The following AFF3 variants were observed in gnomAD, a reference collection of about 807,000 sequenced individuals.
AFF3 encodes the protein AF4/FMR2 family member 3.
Under a neutral mutation model 129.7 loss-of-function variants are expected in AFF3, and 32 were observed. That is an observed-to-expected ratio of 0.25 (90% CI 0.19 to 0.33). The LOEUF is 0.33. Ranked by LOEUF, AFF3 falls within the 10% of genes least tolerant of loss-of-function variation. The pLI is 1.00. For missense variants in AFF3, 1,373 were observed against 1,592.0 expected, an observed-to-expected ratio of 0.86 and a Z score of 2.34; for synonymous variants, 644 against 635.4, an observed-to-expected ratio of 1.01 and a Z score of -0.20.
chr2:99,782,176 T>G (rs1684465291), intron 8 of AFF3, among the ~76,000 whole-genome samples: 1 of 152,230 alleles, frequency 6.6e-6, no homozygotes. Context: ...AGTTTTCTTT[T>G]GGAGTTGGGG....
chr2:100,133,340 G>A (rs757217675), intron 1 of AFF3, among the ~76,000 whole-genome samples: 6 of 151,842 alleles, frequency 4.0e-5, no homozygotes, highest in Non-Finnish European at 5.9e-5. Context: ...TTCCATCACT[G>A]GAAATATTCA....
At chr2:99,779,557 C>G (rs902319017) in intron 8 of AFF3, among the ~76,000 whole-genome samples, 1 of 152,094 alleles carries the variant, frequency 6.6e-6, no homozygotes, top group Admixed American at 6.5e-5. Flanking sequence ...TTAGAGGGTA[C>G]AAGTCCAGGT....
intron 8 of AFF3, among the ~76,000 whole-genome samples, chr2:99,799,583 T>C (rs1461460113): frequency 6.6e-6 from 1 of 152,102 alleles, no homozygotes; most frequent in African/African-American, 2.4e-5. Flanking sequence ...ATAATAAAAA[T>C]CCTAATAGGC....
intron 13 of AFF3, among the ~76,000 whole-genome samples, chr2:99,626,534 C>T (rs372345594): frequency 8.8e-6 from 1 of 113,082 alleles, no homozygotes; most frequent in Non-Finnish European, 1.9e-5. Context: ...CTTCCTTCCT[C>T]CCTCCCTTCT....
At chr2:100,102,401 C>T (rs1208581987) in intron 4 of AFF3, among the ~76,000 whole-genome samples, 3 of 152,128 alleles carry the variant, frequency 2.0e-5, no homozygotes, top group Non-Finnish European at 2.9e-5. Context: ...AGAAAGTCTA[C>T]ATGCCTTCAT....
chr2:99,800,677 G>A (rs1327192629), intron 8 of AFF3, among the ~76,000 whole-genome samples: 6 of 152,178 alleles, frequency 3.9e-5, no homozygotes, highest in East Asian at 1.9e-4. Flanking sequence ...CAACCCAAAC[G>A]TCCTCTGACA....
At chr2:100,133,919 C>T (rs774776170) in intron 1 of AFF3, among the ~76,000 whole-genome samples, 2 of 151,814 alleles carry the variant, frequency 1.3e-5, no homozygotes, top group South Asian at 2.1e-4. Flanking sequence ...GGTGACAGAG[C>T]GAGACTCTGT....
chr2:99,547,464 G>C lies in AFF3; in HGVS notation c.*4010C>G, dbSNP rs1674114799. 1 of 209,590 alleles carries C rather than the reference G, an allele frequency of 4.8e-6. No homozygotes were observed. The highest frequency in any genetic ancestry group is 1.9e-4 in the South Asian group (1 of 5,262). The allele number at this position is 209,590 out of a possible 1,614,324, so 13.0% of individuals were successfully genotyped here. On this transcript the variant is annotated 3_prime_UTR_variant, in exon 25 of 25. Transcript: ENST00000672756. ...AAATCACACGCAGATTACTGGGTCT[G>C]AAGAGTGTCTACATTGTTAAAAAAA...
chr2:99,989,996 T>C (rs1680196079), intron 7 of AFF3, among the ~76,000 whole-genome samples: 1 of 152,204 alleles, frequency 6.6e-6, no homozygotes, highest in South Asian at 2.1e-4. Flanking sequence ...CAGAATATCA[T>C]GGGAATTAGC....
intron 15 of AFF3, among the ~76,000 whole-genome samples, chr2:99,590,418 A>G (rs928881270): frequency 6.6e-6 from 1 of 152,190 alleles, no homozygotes; most frequent in Non-Finnish European, 1.5e-5. Context: ...TTCAAAGATT[A>G]CAGGAAAAAT....
chr2:99,828,955 C>T (rs1003176388), intron 8 of AFF3, among the ~76,000 whole-genome samples: 7 of 152,166 alleles, frequency 4.6e-5, no homozygotes, highest in African/African-American at 1.7e-4. Flanking sequence ...GGTGTCTCTA[C>T]ACTAAGTCCT....
chr2:100,025,805 C>A (rs942528653), intron 4 of AFF3, among the ~76,000 whole-genome samples: 1 of 152,038 alleles, frequency 6.6e-6, no homozygotes, highest in African/African-American at 2.4e-5. Flanking sequence ...GGGAAAAGAC[C>A]CCCTTTTCAA....
chr2:100,078,934 T>C (rs1235780789), intron 4 of AFF3, among the ~76,000 whole-genome samples: 2 of 149,582 alleles, frequency 1.3e-5, no homozygotes, highest in African/African-American at 4.9e-5. Flanking sequence ...GCTCCTTTGC[T>C]GAATATTTTC....
intron 7 of AFF3, among the ~76,000 whole-genome samples, chr2:99,842,743 G>T (rs992944349): frequency 1.3e-5 from 2 of 152,150 alleles, no homozygotes; most frequent in Non-Finnish European, 2.9e-5. Context: ...TGTAGCTCGG[G>T]GAATAGCCAG....
At chr2:99,554,596 C>T in intron 23 of AFF3, 62 bp from the exon 24 acceptor site, 1 of 1,609,342 alleles carries the variant, frequency 6.2e-7, no homozygotes, top group South Asian at 1.1e-5. Flanking sequence ...GGCAGGGCAG[C>T]CCCTTGGGGA....
intron 18 of AFF3, among the ~76,000 whole-genome samples, chr2:99,572,297 C>A (rs867988944): frequency 6.7e-5 from 8 of 119,550 alleles, no homozygotes; most frequent in East Asian, 5.5e-4. Context: ...CCCACCACCC[C>A]CCCCCCCCCA....
At chr2:99,688,250 G>C (rs1050747417) in intron 11 of AFF3, among the ~76,000 whole-genome samples, 1 of 152,152 alleles carries the variant, frequency 6.6e-6, no homozygotes, top group Admixed American at 6.6e-5. Context: ...CTACACTATA[G>C]TGGTGCAGGC....
intron 7 of AFF3, among the ~76,000 whole-genome samples, chr2:99,866,533 C>G (rs1057011942): frequency 2.0e-5 from 3 of 152,158 alleles, no homozygotes; most frequent in African/African-American, 7.2e-5. Context: ...ACCATCATCA[C>G]CCTCCTCACT....
intron 9 of AFF3, among the ~76,000 whole-genome samples, chr2:99,748,465 G>GT (rs1288513560): frequency 6.6e-6 from 1 of 152,142 alleles, no homozygotes; most frequent in Non-Finnish European, 1.5e-5. Context: ...GGTGACATGT[G>GT]TACAAATCAT....
Sources: gnomAD v4.1 joint callset for allele counts (sites outside exome capture counted in the v4.1 genomes callset) on GRCh38, gnomAD v4.1.1 for gene constraint, MANE v1.5 for transcripts, NCBI Gene and HGNC (gene_info 2026-07-23, HGNC 2026-07-21) for gene names.